Variants in THRB observed in about 807,000 individuals in gnomAD.
THRB encodes thyroid hormone receptor beta.
THRB carries 12 observed loss-of-function variants against 47.8 expected under a neutral mutation model. The observed-to-expected ratio is 0.25, with a 90% CI of 0.16 to 0.41. The LOEUF is 0.41. Among genes scored for constraint, THRB ranks in the 10% least tolerant of loss-of-function variants. THRB has a pLI of 1.00. For missense variants in THRB, 348 were observed against 589.2 expected (o/e 0.59, Z 4.24); for synonymous variants, 218 against 212.2 (o/e 1.03, Z -0.24).
chr3:24,300,397 T>G (rs1049878738), intron 2 of THRB, among the ~76,000 whole-genome samples: 2 of 152,112 alleles, frequency 1.3e-5, no homozygotes, highest in Non-Finnish European at 2.9e-5. Context: ...GTATATAATA[T>G]CCATGATACA....
At chr3:24,139,197 T>C (rs188498495) in intron 8 of THRB, among the ~76,000 whole-genome samples, 1 of 152,342 alleles carries the variant, frequency 6.6e-6, no homozygotes, top group Admixed American at 6.5e-5. Context: ...TAGAAAATTA[T>C]ATGATTTAAA....
intron 1 of THRB, among the ~76,000 whole-genome samples, chr3:24,399,067 G>A (rs920341899): frequency 6.6e-5 from 10 of 151,742 alleles, no homozygotes; most frequent in East Asian, 1.9e-4. Flanking sequence ...ATCACACACC[G>A]GGGCCTGTTG....
chr3:24,491,246 T>A (rs2125968122), intron 1 of THRB, among the ~76,000 whole-genome samples: 1 of 152,346 alleles, frequency 6.6e-6, no homozygotes, highest in South Asian at 2.1e-4. Flanking sequence ...CCCTCCCATT[T>A]TTAACAGTCT....
At chr3:24,212,697 G>A (rs2046183964) in intron 4 of THRB, among the ~76,000 whole-genome samples, 1 of 151,922 alleles carries the variant, frequency 6.6e-6, no homozygotes, top group African/African-American at 2.4e-5. Context: ...CCGCTATTAT[G>A]CTGACACAGA....
intron 4 of THRB, among the ~76,000 whole-genome samples, chr3:24,198,568 A>G (rs1470862859): frequency 6.7e-6 from 1 of 148,256 alleles, no homozygotes; most frequent in Non-Finnish European, 1.5e-5. Flanking sequence ...CTTTCTCTCA[A>G]TTTACACGAA....
chr3:24,377,791 T>G (rs1365001543), intron 1 of THRB, among the ~76,000 whole-genome samples: 1 of 152,112 alleles, frequency 6.6e-6, no homozygotes, highest in Non-Finnish European at 1.5e-5. Flanking sequence ...CTCCTCCCTG[T>G]ACACTGAGAA....
At chr3:24,288,958 A>G (rs1176384762) in intron 3 of THRB, among the ~76,000 whole-genome samples, 1 of 152,236 alleles carries the variant, frequency 6.6e-6, no homozygotes, top group East Asian at 1.9e-4. Flanking sequence ...ACTGCACCAA[A>G]GCAATGCCAG....
chr3:24,133,944 C>CGCT (rs776102907), intron 8 of THRB, among the ~76,000 whole-genome samples: 8 of 152,154 alleles, frequency 5.3e-5, no homozygotes, highest in Non-Finnish European at 1.2e-4. Context: ...TGCTTCTGAC[C>CGCT]CAGCTGGGGC....
At chr3:24,150,097 G>A (rs1317800602) in intron 6 of THRB, among the ~76,000 whole-genome samples, 1 of 152,180 alleles carries the variant, frequency 6.6e-6, no homozygotes, top group East Asian at 1.9e-4. Flanking sequence ...AAAATAGTTT[G>A]CTGTGGGACA....
At chr3:24,135,899 T>C (rs1171588965) in intron 8 of THRB, among the ~76,000 whole-genome samples, 2 of 147,692 alleles carry the variant, frequency 1.4e-5, no homozygotes, top group Non-Finnish European at 3.0e-5. Flanking sequence ...ATATGTAGGA[T>C]GAACTTTTTA....
chr3:24,253,849 G>A (rs889048405), intron 3 of THRB, among the ~76,000 whole-genome samples: 1 of 151,928 alleles, frequency 6.6e-6, no homozygotes, highest in Non-Finnish European at 1.5e-5. Context: ...AAACACAGCA[G>A]AACTTGTAAG....
intron 5 of THRB, among the ~76,000 whole-genome samples, chr3:24,168,509 ATGCGCC>A (rs2039979290): frequency 6.7e-6 from 1 of 150,124 alleles, no homozygotes; most frequent in Non-Finnish European, 1.5e-5. Flanking sequence ...ATATATATAT[ATGCGCC>A]TAGGTGTGAC....
chr3:24,464,033 T>G (rs1391428358), intron 1 of THRB, among the ~76,000 whole-genome samples: 1 of 152,038 alleles, frequency 6.6e-6, no homozygotes, highest in Non-Finnish European at 1.5e-5. Flanking sequence ...GATCACGAGG[T>G]CAGGAGATCG....
chr3:24,425,844 T>G (rs764507941), intron 1 of THRB, among the ~76,000 whole-genome samples: 1 of 151,958 alleles, frequency 6.6e-6, no homozygotes, highest in African/African-American at 2.4e-5. Flanking sequence ...TTTGGTTTCC[T>G]CATCTTTCAA....
chr3:24,194,665 G>T (rs763733982), intron 4 of THRB, among the ~76,000 whole-genome samples: 3 of 152,194 alleles, frequency 2.0e-5, no homozygotes, highest in Non-Finnish European at 4.4e-5. Context: ...CTGATCCAAA[G>T]TGTTCTTTTG....
At chr3:24,191,359 GA>G (rs1203944133) in intron 4 of THRB, among the ~76,000 whole-genome samples, 1 of 150,994 alleles carries the variant, frequency 6.6e-6, no homozygotes, top group Non-Finnish European at 1.5e-5. Flanking sequence ...GTCAAAATTA[GA>G]AAAAATATAA....
At chr3:24,349,185 C>T (rs1236876862) in intron 1 of THRB, among the ~76,000 whole-genome samples, 1 of 151,960 alleles carries the variant, frequency 6.6e-6, no homozygotes, top group Non-Finnish European at 1.5e-5. Flanking sequence ...TGGGAAACTA[C>T]AAAACTTTAC....
intron 2 of THRB, among the ~76,000 whole-genome samples, chr3:24,313,055 G>T (rs2149220351): frequency 6.6e-6 from 1 of 152,254 alleles, no homozygotes; most frequent in East Asian, 1.9e-4. Context: ...TGGATTTGGG[G>T]GTGAGGGAAA....
At chr3:24,390,797 A>AAAATATATATATATAT (rs5847290) in intron 1 of THRB, among the ~76,000 whole-genome samples, 1 of 137,862 alleles carries the variant, frequency 7.3e-6, no homozygotes. Context: ...AAAAAAAAAA[A>AAAATATATATATATAT]ATATATATAT....
Sources: allele counts gnomAD v4.1 joint callset (sites outside exome capture counted in the v4.1 genomes callset), GRCh38; gene constraint gnomAD v4.1.1; transcripts MANE v1.5; gene names NCBI Gene and HGNC (gene_info 2026-07-23, HGNC 2026-07-21).